XNDC1N: variants seen among roughly 807,000 people sequenced by gnomAD.
XNDC1N encodes protein XNDC1N.
chr11:71,905,673 A>G, the XNDC1N span, among the ~76,000 whole-genome samples: 1 of 152,050 alleles, frequency 6.6e-6, no homozygotes, highest in African/African-American at 2.4e-5. Context: ...CTGTGTTATT[A>G]GAAGCAATAT....
chr11:71,913,385 T>C, the XNDC1N span, among the ~76,000 whole-genome samples: 1 of 151,866 alleles, frequency 6.6e-6, no homozygotes, highest in Non-Finnish European at 1.5e-5. Context: ...ACTAACAAGG[T>C]CACGGGGGGT....
At chr11:71,899,635 C>T in the XNDC1N span, among the ~76,000 whole-genome samples, 5 of 152,292 alleles carry the variant, frequency 3.3e-5, no homozygotes, top group Admixed American at 6.5e-5. Context: ...TAAAAGTCAT[C>T]GCCATTCTCT....
chr11:71,908,471 A>C, the XNDC1N span, among the ~76,000 whole-genome samples: 3 of 152,076 alleles, frequency 2.0e-5, no homozygotes, highest in African/African-American at 7.2e-5. Context: ...TAATTGCAGT[A>C]AGTCGCATTG....
chr11:71,892,616 G>A, the XNDC1N span, among the ~76,000 whole-genome samples: 1 of 152,090 alleles, frequency 6.6e-6, no homozygotes, highest in African/African-American at 2.4e-5. Context: ...TGCCTTCCAG[G>A]TTCTAAGGGA....
chr11:71,880,396 G>T, the XNDC1N span, among the ~76,000 whole-genome samples: 497 of 151,932 alleles, frequency 3.3e-3, no homozygotes, highest in Non-Finnish European at 5.5e-3. Flanking sequence ...TATTTATTTG[G>T]CATTCTCTCT....
the XNDC1N span, among the ~76,000 whole-genome samples, chr11:71,871,132 T>C: frequency 2.6e-5 from 4 of 152,216 alleles, no homozygotes; most frequent in Non-Finnish European, 4.4e-5. Flanking sequence ...TCAACCTAAG[T>C]GTCTATCAAC....
chr11:71,915,305 G>A, the XNDC1N span, among the ~76,000 whole-genome samples: 5 of 152,114 alleles, frequency 3.3e-5, no homozygotes, highest in Admixed American at 2.6e-4. Flanking sequence ...AAAATTAGCC[G>A]GGCGTGGTGG....
chr11:71,898,371 C>A, the XNDC1N span, among the ~76,000 whole-genome samples: 149 of 152,218 alleles, frequency 9.8e-4, no homozygotes, highest in African/African-American at 3.4e-3. Context: ...CTTTGGGAGG[C>A]TGAGGCAGGC....
chr11:71,895,570 G>A, the XNDC1N span, among the ~76,000 whole-genome samples: 1 of 144,920 alleles, frequency 6.9e-6, no homozygotes, highest in African/African-American at 2.5e-5. Flanking sequence ...CAGGTGATCC[G>A]CCCGCTTCCG....
chr11:71,890,363 G>A, the XNDC1N span, among the ~76,000 whole-genome samples: 2 of 151,986 alleles, frequency 1.3e-5, no homozygotes, highest in Non-Finnish European at 2.9e-5. Flanking sequence ...TGGATATGAC[G>A]AACAATATCA....
chr11:71,913,389 G>A, the XNDC1N span, among the ~76,000 whole-genome samples: 5 of 152,022 alleles, frequency 3.3e-5, no homozygotes, highest in Admixed American at 6.6e-5. Context: ...ACAAGGTCAC[G>A]GGGGGTGACC....
chr11:71,887,778 C>A, the XNDC1N span, among the ~76,000 whole-genome samples: 1 of 152,244 alleles, frequency 6.6e-6, no homozygotes, highest in Non-Finnish European at 1.5e-5. Context: ...CTTCATCAAG[C>A]TAAACTGACT....
chr11:71,898,731 G>T, the XNDC1N span, among the ~76,000 whole-genome samples: 1 of 152,206 alleles, frequency 6.6e-6, no homozygotes, highest in South Asian at 2.1e-4. Context: ...GGAGTGGAGA[G>T]CTTGGTGAAT....
At chr11:71,909,488 T>C in the XNDC1N span, among the ~76,000 whole-genome samples, 247 of 152,234 alleles carry the variant, frequency 1.6e-3, 2 homozygotes, top group South Asian at 0.028. Flanking sequence ...CAGGAGGCCC[T>C]GGACAAGGAG....
chr11:71,912,504 T>C, the XNDC1N span, among the ~76,000 whole-genome samples: 5 of 152,270 alleles, frequency 3.3e-5, no homozygotes, highest in East Asian at 9.7e-4. Context: ...TTTCTGGATA[T>C]TAGGGAGAAT....
the XNDC1N span, among the ~76,000 whole-genome samples, chr11:71,870,165 C>T: frequency 6.6e-6 from 1 of 152,200 alleles, no homozygotes; most frequent in East Asian, 1.9e-4. Flanking sequence ...TCTGGTCCTG[C>T]CCTTGACACA....
chr11:71,890,045 G>T, the XNDC1N span, among the ~76,000 whole-genome samples: 51 of 152,194 alleles, frequency 3.4e-4, no homozygotes, highest in African/African-American at 1.2e-3. Flanking sequence ...GCAGCCTCCC[G>T]GCCTCAGAGT....
At chr11:71,903,452 C>T in the XNDC1N span, 5 of 905,228 alleles carry the variant, frequency 5.5e-6, no homozygotes, top group South Asian at 5.3e-5. Context: ...TCCAGTCTCA[C>T]AGCAGAGTCA....
chr11:71,907,597 G>T, the XNDC1N span, among the ~76,000 whole-genome samples: 1 of 152,052 alleles, frequency 6.6e-6, no homozygotes, highest in African/African-American at 2.4e-5. Flanking sequence ...TGTATTGGGA[G>T]TAATATCATC....
Sources: gnomAD v4.1 joint callset for allele counts (sites outside exome capture counted in the v4.1 genomes callset) on GRCh38, gnomAD v4.1.1 for gene constraint, MANE v1.5 for transcripts, NCBI Gene and HGNC (gene_info 2026-07-23, HGNC 2026-07-21) for gene names.